ADAMTS9: variants seen among roughly 807,000 people sequenced by gnomAD.
ADAMTS9 encodes the protein ADAM metallopeptidase with thrombospondin type 1 motif 9, also known as A disintegrin and metalloproteinase with thrombospondin motifs 9.
Under a neutral mutation model 257.1 loss-of-function variants are expected in ADAMTS9, and 107 were observed. The ratio of observed to expected loss-of-function variants is 0.42; its 90% CI spans 0.36 to 0.49. The LOEUF (loss-of-function observed/expected upper bound fraction) is 0.49, where lower values mean the gene tolerates loss of function less well. Among genes scored for constraint, ADAMTS9 ranks in the 20% least tolerant of loss-of-function variants. The pLI is 0.03. For missense variants in ADAMTS9, 2,353 were observed against 2,469.1 expected, an observed-to-expected ratio of 0.95 and a Z score of 1.00; for synonymous variants, 982 against 880.9, an observed-to-expected ratio of 1.11 and a Z score of -2.03.
chr3:64,561,814 T>C, intron 29 of ADAMTS9, 63 bp from the exon 30 acceptor site: 1 of 932,344 alleles, frequency 1.1e-6, no homozygotes, highest in Non-Finnish European at 1.6e-6. Flanking sequence ...GGGCGGGGGG[T>C]GTCGAGGGTC....
rs3841969 is a variant in ADAMTS9 at position 64,540,975 on chromosome 3, CCAATGTG to C, written c.5521+113_5521+119del. The C allele has an allele frequency of 0.78, 971,317 of 1,252,006 alleles. 396,062 individuals are homozygous for C. Among genetic ancestry groups the C allele is most frequent in the Non-Finnish European group, 0.85 (755,274 of 890,448 alleles). The allele number at this position is 1,252,006 out of a possible 1,614,324, so 77.6% of individuals were successfully genotyped here. ...CCAATGTTCTTCCTCTCCATACTAG[CCAATGTG>C]CAATGTGCAATGTGCAATACGCACC... On this transcript the variant is annotated intron_variant, in intron 36 of 39. Transcript: ENST00000498707.
At chr3:64,605,042 G>A (rs2084533160) in intron 23 of ADAMTS9, among the ~76,000 whole-genome samples, 1 of 152,234 alleles carries the variant, frequency 6.6e-6, no homozygotes, top group Admixed American at 6.5e-5. Context: ...TGTACACAGT[G>A]CAAAAGTGCT....
chr3:64,670,388 C>T (rs1415523618), intron 3 of ADAMTS9, among the ~76,000 whole-genome samples: 1 of 152,188 alleles, frequency 6.6e-6, no homozygotes, highest in Non-Finnish European at 1.5e-5. Flanking sequence ...TAGACCATGG[C>T]TTTGAATAAT....
chr3:64,650,009 C>CGGCG, intron 9 of ADAMTS9: 1 of 464,848 alleles, frequency 2.2e-6, no homozygotes, highest in Non-Finnish European at 3.8e-6. Flanking sequence ...AGGAAATATA[C>CGGCG]ACCTGTTACA....
At chr3:64,537,387 AAC>A (rs2083064559) in intron 37 of ADAMTS9, among the ~76,000 whole-genome samples, 2 of 152,222 alleles carry the variant, frequency 1.3e-5, no homozygotes, top group Admixed American at 1.3e-4. Context: ...ACTAAAATGC[AAC>A]AGATACCAAT....
rs1390581211 is a variant in ADAMTS9 at position 64,539,310 on chromosome 3, G to A, written c.5522-16C>T. On this transcript the variant is annotated splice_polypyrimidine_tract_variant and intron_variant, in intron 36 of 39. Transcript: ENST00000498707. The stretch of plus-strand genomic sequence containing the variant: ...AAGTCAGTGGCTGTGGGGTGGAGAA[G>A]GGGTTAAAGGCAGGGGAAGGTAAGA... 1 of 1,606,968 alleles carries A rather than the reference G, an allele frequency of 6.2e-7. No individual in the cohort carries two copies.
chr3:64,625,554 T>G (rs1358689630), intron 16 of ADAMTS9, among the ~76,000 whole-genome samples: 2 of 152,202 alleles, frequency 1.3e-5, no homozygotes, highest in Non-Finnish European at 2.9e-5. Flanking sequence ...GACACCTTAC[T>G]GACGCAGGGC....
chr3:64,574,746 A>C (rs957451259), intron 28 of ADAMTS9, among the ~76,000 whole-genome samples: 38 of 151,644 alleles, frequency 2.5e-4, no homozygotes, highest in African/African-American at 8.0e-4. Flanking sequence ...CCCCCTCCCC[A>C]CACACACACC....
chr3:64,560,296 T>A (rs891726646), intron 30 of ADAMTS9, among the ~76,000 whole-genome samples: 10 of 152,156 alleles, frequency 6.6e-5, no homozygotes, highest in African/African-American at 2.4e-4. Context: ...CATTCCTCCC[T>A]GCCACTGTCT....
chr3:64,654,942 G>A, intron 6 of ADAMTS9, among the ~76,000 whole-genome samples: 1 of 152,176 alleles, frequency 6.6e-6, no homozygotes, highest in Non-Finnish European at 1.5e-5. Context: ...CTGAGAAGGT[G>A]CAAGATACCT....
At position 64,515,719 on chromosome 3, in the gene ADAMTS9, C is replaced by A. The variant is rs1575966658; in HGVS notation, c.*1408G>T. 2 of 152,322 alleles carry A rather than the reference C, an allele frequency of 1.3e-5. No individual in the cohort carries two copies. Among genetic ancestry groups the A allele is most frequent in the African/African-American group, 4.8e-5 (2 of 41,568 alleles). The allele number at this position is 152,322 out of a possible 1,614,324, so 9.4% of individuals were successfully genotyped here. ...AACACATTAATAATGGAGAATAACA[C>A]TTATTCATATACTGAATATAACTTT... On this transcript the variant is annotated 3_prime_UTR_variant, in exon 40 of 40. Coordinates refer to ENST00000498707, the MANE Select transcript of ADAMTS9 (RefSeq NM_182920.2).
At chr3:64,627,810 C>A (rs1329066590) in intron 16 of ADAMTS9, among the ~76,000 whole-genome samples, 2 of 151,844 alleles carry the variant, frequency 1.3e-5, no homozygotes, top group Non-Finnish European at 2.9e-5. Flanking sequence ...TTGGCTGACA[C>A]TGAAAAAAAA....
chr3:64,548,378 G>T (rs77896320), intron 31 of ADAMTS9, among the ~76,000 whole-genome samples: 6 of 152,234 alleles, frequency 3.9e-5, no homozygotes, highest in Non-Finnish European at 5.9e-5. Flanking sequence ...CCAAGTTGAC[G>T]CCAGGCCAGG....
Position 64,620,695 on chromosome 3 carries a change from G to A in ADAMTS9, c.2813+419C>T, listed in dbSNP as rs145085586. Among the ~76,000 whole-genome samples, 902 of 152,186 alleles carry A rather than the reference G, an allele frequency of 5.9e-3. 6 individuals are homozygous for A. The highest frequency in any genetic ancestry group is 0.027 in the Middle Eastern group (8 of 294). On this transcript the variant is annotated intron_variant, in intron 19 of 39. Transcript: ENST00000498707. ...CCTTAGTGTACTGCAACTTTCAGGTGTGTAGGAGTTCTTCTACTGGGTGGT... is the reference window on the plus strand; with the variant it reads ...CCTTAGTGTACTGCAACTTTCAGGTATGTAGGAGTTCTTCTACTGGGTGGT...
chr3:64,618,642 G>T (rs545635783), intron 19 of ADAMTS9, among the ~76,000 whole-genome samples: 1 of 152,128 alleles, frequency 6.6e-6, no homozygotes. Context: ...TTGGGGGATT[G>T]AGTGAGGCAA....
chr3:64,571,170 G>A (rs1576041613), intron 28 of ADAMTS9, among the ~76,000 whole-genome samples: 1 of 152,204 alleles, frequency 6.6e-6, no homozygotes. Flanking sequence ...AACCTGTAGA[G>A]GAAGAATTGG....
At chr3:64,684,607 A>G (rs1284000943) in intron 2 of ADAMTS9, among the ~76,000 whole-genome samples, 2 of 152,174 alleles carry the variant, frequency 1.3e-5, no homozygotes, top group Non-Finnish European at 2.9e-5. Flanking sequence ...ACCAGAACGC[A>G]TATCTTTAAG....
At chr3:64,613,966 T>C (rs2084714097) in intron 21 of ADAMTS9, among the ~76,000 whole-genome samples, 1 of 152,302 alleles carries the variant, frequency 6.6e-6, no homozygotes, top group African/African-American at 2.4e-5. Context: ...CTTGGCACAA[T>C]GTTCATTTAA....
rs1216366319 is a variant in ADAMTS9 at position 64,655,591 on chromosome 3, G to C, written c.1154C>G (p.Ala385Gly). The part of the protein sequence containing the change: ...NSPGGIHHDT[A>G]VLLTRQDICR... Reference sequence around the variant, plus strand: ...ATCCATATACCTTGTTAAGAGAACAGCAGTATCATGATGGATTCCACCTGG... The same window carrying C: ...ATCCATATACCTTGTTAAGAGAACACCAGTATCATGATGGATTCCACCTGG... Residue 385 changes from alanine (A) to glycine (G), a missense_variant, in exon 6 of 40, where the codon GCT becomes GGT. Physicochemically the swap from Ala to Gly is moderately conservative, Grantham distance 60 (BLOSUM62 0). Coordinates refer to ENST00000498707, the MANE Select transcript of ADAMTS9 (RefSeq NM_182920.2). 2 of 1,613,056 alleles carry C rather than the reference G, an allele frequency of 1.2e-6. No individual in the cohort carries two copies. Among genetic ancestry groups the C allele is most frequent in the Middle Eastern group, 1.7e-4 (1 of 6,060 alleles).
Sources: gnomAD v4.1 joint callset for allele counts (sites outside exome capture counted in the v4.1 genomes callset) on GRCh38, gnomAD v4.1.1 for gene constraint, MANE v1.5 for transcripts, NCBI Gene and HGNC (gene_info 2026-07-23, HGNC 2026-07-21) for gene names.